Variants in GRM7 observed in about 807,000 individuals in gnomAD.
The protein encoded by GRM7 is metabotropic glutamate receptor 7.
Under a neutral mutation model 84.5 loss-of-function variants are expected in GRM7, and 35 were observed. The observed-to-expected ratio is 0.41, with a 90% CI of 0.32 to 0.55. GRM7 has a LOEUF of 0.55. Among genes scored for constraint, GRM7 ranks in the 20% least tolerant of loss-of-function variants. GRM7 has a pLI of 0.19. For missense variants in GRM7, 1,003 were observed against 1,194.6 expected (o/e 0.84, Z 2.36); for synonymous variants, 487 against 455.1 (o/e 1.07, Z -0.89).
intron 2 of GRM7, among the ~76,000 whole-genome samples, chr3:7,208,381 A>T (rs1559503060): frequency 6.6e-6 from 1 of 152,122 alleles, no homozygotes; most frequent in South Asian, 2.1e-4. Context: ...TACAGTTCTC[A>T]GTTTGGTAAT....
intron 4 of GRM7, among the ~76,000 whole-genome samples, chr3:7,331,364 G>T (rs559258845): frequency 6.6e-6 from 1 of 152,192 alleles, no homozygotes; most frequent in Non-Finnish European, 1.5e-5. Flanking sequence ...GAAGATTGGA[G>T]AATTTCCTTG....
chr3:7,494,785 A>G (rs1699642375), intron 7 of GRM7, among the ~76,000 whole-genome samples: 1 of 152,116 alleles, frequency 6.6e-6, no homozygotes, highest in Non-Finnish European at 1.5e-5. Context: ...TATTGTTTTC[A>G]CTGGGTTCTT....
At chr3:7,317,248 G>C (rs74663921) in intron 4 of GRM7, among the ~76,000 whole-genome samples, 5,406 of 152,034 alleles carry the variant, frequency 0.036, 300 homozygotes, top group African/African-American at 0.11. Flanking sequence ...CCATCCCCTA[G>C]AATTCCCACC....
intron 2 of GRM7, among the ~76,000 whole-genome samples, chr3:7,267,652 G>C (rs983516415): frequency 6.6e-6 from 1 of 152,208 alleles, no homozygotes; most frequent in Admixed American, 6.5e-5. Flanking sequence ...AAGGTTAGGA[G>C]ATAAAGTCTC....
intron 2 of GRM7, among the ~76,000 whole-genome samples, chr3:7,235,079 A>G (rs949687063): frequency 6.6e-6 from 1 of 152,208 alleles, no homozygotes; most frequent in Non-Finnish European, 1.5e-5. Context: ...GAATAAAAAA[A>G]GTAAACTAGC....
intron 1 of GRM7, among the ~76,000 whole-genome samples, chr3:7,068,543 T>C (rs563419629): frequency 3.9e-5 from 6 of 152,184 alleles, no homozygotes; most frequent in Admixed American, 1.3e-4. Context: ...GAGCATGCTG[T>C]GTACAACATT....
chr3:7,392,842 G>C (rs1050140388), intron 4 of GRM7, among the ~76,000 whole-genome samples: 3 of 152,194 alleles, frequency 2.0e-5, no homozygotes, highest in Non-Finnish European at 4.4e-5. Context: ...GAGAAGTGCA[G>C]TCTAGTTGCA....
intron 5 of GRM7, among the ~76,000 whole-genome samples, chr3:7,422,347 A>G (rs1048821374): frequency 1.3e-5 from 2 of 152,192 alleles, no homozygotes; most frequent in Non-Finnish European, 2.9e-5. Flanking sequence ...ACAATGACGG[A>G]CATATTTTAT....
chr3:7,363,674 G>T (rs1453969177), intron 4 of GRM7, among the ~76,000 whole-genome samples: 2 of 151,964 alleles, frequency 1.3e-5, no homozygotes, highest in African/African-American at 2.4e-5. Context: ...GGAAATTACT[G>T]GGTCTCATCC....
intron 8 of GRM7, among the ~76,000 whole-genome samples, chr3:7,588,701 C>A (rs1046310806): frequency 6.6e-6 from 1 of 152,106 alleles, no homozygotes; most frequent in Non-Finnish European, 1.5e-5. Flanking sequence ...TTGAAGCTCT[C>A]GATGTCTCTA....
chr3:7,199,647 A>T (rs1302880664), intron 2 of GRM7, among the ~76,000 whole-genome samples: 1 of 152,168 alleles, frequency 6.6e-6, no homozygotes, highest in Non-Finnish European at 1.5e-5. Flanking sequence ...ACTGGCATCT[A>T]GTTGGGAGAG....
At chr3:6,983,334 G>A (rs1164257006) in intron 1 of GRM7, among the ~76,000 whole-genome samples, 1 of 152,118 alleles carries the variant, frequency 6.6e-6, no homozygotes, top group Admixed American at 6.6e-5. Flanking sequence ...GAAAAATTAG[G>A]CCTGATATTT....
In GRM7 at chr3:7,273,911, TTTTA is replaced by T. The variant is rs548250660; in HGVS notation, c.737-24769_737-24766del. The stretch of plus-strand genomic sequence containing the variant: ...AATAGCTGCCATGCTTGCCACTGTT[TTTTA>T]TTTGTTGCCCTTGTTTTTTATTCCT... On this transcript the variant is annotated intron_variant, in intron 2 of 9. Transcript: ENST00000357716. 1.5e-4 allele frequency among the ~76,000 whole-genome samples: 23 copies of T among 152,176 alleles called. No homozygotes were observed. The South Asian group carries it at 4.3e-3, about 29-fold the overall frequency.
intron 1 of GRM7, among the ~76,000 whole-genome samples, chr3:7,012,339 T>C (rs1402999500): frequency 6.6e-6 from 1 of 152,216 alleles, no homozygotes; most frequent in Non-Finnish European, 1.5e-5. Context: ...GAAATCTTTT[T>C]TCAATTATGT....
rs1400754357 is a variant in GRM7, at chr3:7,430,280, A to G, written c.1174+15117A>G. 4.6e-5 allele frequency among the ~76,000 whole-genome samples: 7 copies of G among 152,178 alleles called. No homozygotes were observed. The East Asian group carries it at 1.3e-3, about 29-fold the overall frequency. ...GCCTTCTGAACTTCTGTGTTCTTCC[A>G]GTGGAAAATTGAGGTCACCTGGGAT... On this transcript the variant is annotated intron_variant, in intron 5 of 9. Transcript: ENST00000357716.
chr3:7,393,042 C>A (rs1695063644), intron 4 of GRM7, among the ~76,000 whole-genome samples: 1 of 152,096 alleles, frequency 6.6e-6, no homozygotes, highest in African/African-American at 2.4e-5. Flanking sequence ...CCAGAGAGGG[C>A]AGGCTACCAC....
intron 1 of GRM7, among the ~76,000 whole-genome samples, chr3:6,940,824 A>G (rs1325791149): frequency 6.6e-6 from 1 of 152,132 alleles, no homozygotes; most frequent in Non-Finnish European, 1.5e-5. Flanking sequence ...TGGAATAACC[A>G]CCTAAGTTCT....
At chr3:6,977,879 G>A (rs1419970228) in intron 1 of GRM7, among the ~76,000 whole-genome samples, 5 of 152,024 alleles carry the variant, frequency 3.3e-5, no homozygotes, top group Admixed American at 1.3e-4. Flanking sequence ...AAATAAGAAC[G>A]TTTCCCTAAA....
At chr3:6,972,438 A>C (rs778756151) in intron 1 of GRM7, among the ~76,000 whole-genome samples, 29 of 152,204 alleles carry the variant, frequency 1.9e-4, no homozygotes, top group Non-Finnish European at 3.5e-4. Flanking sequence ...AGGGTGGCTC[A>C]GAAATCCATA....
Sources: allele counts gnomAD v4.1 joint callset (sites outside exome capture counted in the v4.1 genomes callset), GRCh38; gene constraint gnomAD v4.1.1; transcripts MANE v1.5; gene names NCBI Gene and HGNC (gene_info 2026-07-23, HGNC 2026-07-21).